IRAG2: variants seen among roughly 807,000 people sequenced by gnomAD.
IRAG2 encodes the protein inositol 1,4,5-triphosphate receptor associated 2.
A neutral mutation model predicts 69.9 loss-of-function variants in IRAG2; 45 were observed. That is an observed-to-expected ratio of 0.64 (90% CI 0.51 to 0.83). The LOEUF is 0.83. Among genes scored for constraint, IRAG2 ranks in the 40% least tolerant of loss-of-function variants. The pLI is 0.00. For missense variants in IRAG2, 520 were observed against 587.0 expected, an observed-to-expected ratio of 0.89 and a Z score of 1.18; for synonymous variants, 193 against 202.4, an observed-to-expected ratio of 0.95 and a Z score of 0.40.
chr12:25,018,756 T>A (rs1350579010), intron 6 of IRAG2, among the ~76,000 whole-genome samples: 1 of 152,242 alleles, frequency 6.6e-6, no homozygotes, highest in African/African-American at 2.4e-5. Context: ...TCAAGAAATA[T>A]ATCAGAAAGG....
chr12:25,092,286 G>C (rs796595933), intron 14 of IRAG2, among the ~76,000 whole-genome samples: 72 of 152,110 alleles, frequency 4.7e-4, no homozygotes, highest in African/African-American at 1.7e-3. Context: ...TGTAGTCCCA[G>C]CTACTTGGGA....
chr12:25,009,688 T>A (rs757472814), intron 2 of IRAG2, among the ~76,000 whole-genome samples: 2 of 152,096 alleles, frequency 1.3e-5, no homozygotes, highest in African/African-American at 2.4e-5. Flanking sequence ...AACAGTTTGG[T>A]CCCATTCCAA....
At chr12:25,017,545 C>T (rs1167736906) in intron 6 of IRAG2, among the ~76,000 whole-genome samples, 1 of 151,974 alleles carries the variant, frequency 6.6e-6, no homozygotes, top group Admixed American at 6.6e-5. Flanking sequence ...TGGTGAAACT[C>T]CATCCCTACT....
intron 10 of IRAG2, among the ~76,000 whole-genome samples, chr12:25,084,584 T>G (rs1300944130): frequency 6.6e-6 from 1 of 151,864 alleles, no homozygotes; most frequent in Non-Finnish European, 1.5e-5. Flanking sequence ...TGTTTTTTTC[T>G]TCTCAATATA....
At position 25,104,033 on chromosome 12, in the gene IRAG2, C is replaced by A. The variant is rs1005464919; in HGVS notation, c.1021C>A (p.Arg341=). 2.5e-6 allele frequency: 4 copies of A among 1,613,284 alleles called. No homozygotes were observed. The highest frequency in any genetic ancestry group is 1.7e-5 in the Admixed American group (1 of 59,994). The change falls in exon 19 of 22, where the codon CGA becomes AGA. Residue 341 remains arginine, a synonymous_variant. Transcript: ENST00000556887. ...GGTGGCTGGGATGGAAAATAATGAT[C>A]GATTCAGTAGAAGGTCAAGCAGTTG... ...GMVAGMENND[R]FSRRSSSWRI... is the part of the protein sequence containing the mutation.
In IRAG2 at chr12:25,083,426, C is replaced by T. The variant is rs34955601; in HGVS notation, c.248C>T (p.Thr83Ile). The T allele has an allele frequency of 7.1e-5, 114 of 1,609,174 alleles. No homozygotes were observed. In the African/African-American group the frequency reaches 1.4e-3, roughly 20 times the overall value. Reference sequence around the variant, plus strand: ...GTGTGTTTCCTGTTTCTCACAGGCACAAGTCCAGCTCATGATAATATTGCA... The same window carrying T: ...GTGTGTTTCCTGTTTCTCACAGGCATAAGTCCAGCTCATGATAATATTGCA... ...SASPTIEAQGTSPAHDNIAFQ... is the reference protein window; with the variant it reads ...SASPTIEAQGISPAHDNIAFQ... The change falls in exon 10 of 22, where the codon ACA (threonine) becomes ATA (isoleucine). Residue 83 changes from threonine to isoleucine, a missense_variant. Coordinates refer to ENST00000556887, the MANE Select transcript of IRAG2 (RefSeq NM_001366544.2).
At chr12:25,021,321 A>C (rs1944578643) in intron 7 of IRAG2, among the ~76,000 whole-genome samples, 1 of 151,744 alleles carries the variant, frequency 6.6e-6, no homozygotes, top group Non-Finnish European at 1.5e-5. Context: ...TCACATTCAC[A>C]ATAGTTTCTG....
chr12:25,070,974 G>A (rs1946301420), intron 6 of IRAG2, among the ~76,000 whole-genome samples: 1 of 151,892 alleles, frequency 6.6e-6, no homozygotes, highest in African/African-American at 2.4e-5. Flanking sequence ...TTTAAAGATG[G>A]GATTATATTT....
At chr12:25,090,469 C>T (rs1033481962) in intron 14 of IRAG2, among the ~76,000 whole-genome samples, 1 of 151,942 alleles carries the variant, frequency 6.6e-6, no homozygotes, top group African/African-American at 2.4e-5. Flanking sequence ...CATTTGAGCC[C>T]AGGAGTTGGA....
chr12:25,081,321 A>G (rs1229181199), intron 9 of IRAG2, among the ~76,000 whole-genome samples: 2 of 151,958 alleles, frequency 1.3e-5, no homozygotes, highest in African/African-American at 2.4e-5. Context: ...AAAATTAGCC[A>G]GGCGTGGTGG....
intron 10 of IRAG2, chr12:25,030,976 C>A: frequency 2.1e-6 from 2 of 947,910 alleles, no homozygotes; most frequent in Non-Finnish European, 2.5e-6. Flanking sequence ...AGATATCATT[C>A]TATTCTTGTA....
rs995775516 is a variant in IRAG2, at chr12:25,089,957, G to A, written c.466-100G>A. On this transcript the variant is annotated intron_variant, in intron 13 of 21. Transcript: ENST00000556887. ...CATGTCAGCATTATGTTGCTGGGGG[G>A]AGAAAGAAATGCCTCAGTATAAAAC... 7 of 1,366,188 alleles carry A rather than the reference G, an allele frequency of 5.1e-6. No homozygotes were observed. The African/African-American group carries it at 1.0e-4, about 20-fold the overall frequency. 84.6% of individuals were successfully genotyped at this position (1,366,188 alleles called of 1,614,324 possible).
At chr12:25,020,154 A>G (rs958423750) in intron 6 of IRAG2, among the ~76,000 whole-genome samples, 1 of 152,250 alleles carries the variant, frequency 6.6e-6, no homozygotes, top group Non-Finnish European at 1.5e-5. Context: ...GGAACAGTCT[A>G]TAATCTAACG....
chr12:25,069,284 G>C (rs1591994183), intron 5 of IRAG2, 66 bp from the exon 6 acceptor site: 1 of 726,218 alleles, frequency 1.4e-6, no homozygotes, highest in South Asian at 1.6e-5. Flanking sequence ...CCATGTTATA[G>C]TTTAGTATCT....
At chr12:25,012,547 A>T (rs746441457) in intron 3 of IRAG2, among the ~76,000 whole-genome samples, 7 of 151,710 alleles carry the variant, frequency 4.6e-5, no homozygotes, top group Non-Finnish European at 8.8e-5. Context: ...GAAAATGTTG[A>T]CAGGGCGCGA....
chr12:25,012,695 G>T (rs1311336702), intron 3 of IRAG2, among the ~76,000 whole-genome samples: 2 of 152,144 alleles, frequency 1.3e-5, no homozygotes, highest in African/African-American at 4.8e-5. Flanking sequence ...GGGCGTGGTG[G>T]TTCACGCCTG....
At chr12:25,098,772 TACTC>T (rs971002563) in intron 15 of IRAG2, among the ~76,000 whole-genome samples, 8 of 152,180 alleles carry the variant, frequency 5.3e-5, no homozygotes, top group African/African-American at 1.9e-4. Flanking sequence ...GACAGAATGG[TACTC>T]ACTGTGTTCA....
intron 15 of IRAG2, among the ~76,000 whole-genome samples, chr12:25,037,290 A>T (rs544828177): frequency 6.6e-6 from 1 of 152,182 alleles, no homozygotes; most frequent in South Asian, 2.1e-4. Flanking sequence ...CTCCTTTGCC[A>T]ATCTAATTTT....
rs563312943 is a variant in IRAG2 at position 25,010,557 on chromosome 12, C to A, written c.689-787C>A. 2.6e-5 allele frequency among the ~76,000 whole-genome samples: 4 copies of A among 152,062 alleles called. No homozygotes were observed. The South Asian group carries it at 8.3e-4, about 32-fold the overall frequency. ...TTCTAATAGTGTCACATCTAAATGACATGTTAAGTTTAAATAATGTTAAAG... is the reference window on the plus strand; with the variant it reads ...TTCTAATAGTGTCACATCTAAATGAAATGTTAAGTTTAAATAATGTTAAAG... On this transcript the variant is annotated intron_variant, in intron 2 of 38. Transcript: ENST00000636465.
Sources: gnomAD v4.1 joint callset for allele counts (sites outside exome capture counted in the v4.1 genomes callset) on GRCh38, gnomAD v4.1.1 for gene constraint, MANE v1.5 for transcripts, NCBI Gene and HGNC (gene_info 2026-07-23, HGNC 2026-07-21) for gene names.